Variants in SMG6 observed in about 807,000 individuals in gnomAD.
SMG6 encodes the protein SMG6 nonsense mediated mRNA decay factor, also known as telomerase-binding protein EST1A.
SMG6 carries 66 observed loss-of-function variants against 142.2 expected under a neutral mutation model. The ratio of observed to expected loss-of-function variants is 0.46; its 90% CI spans 0.38 to 0.57. The LOEUF is 0.57. Ranked by LOEUF, SMG6 falls within the 20% of genes least tolerant of loss-of-function variation. SMG6 has a pLI of 0.00. For synonymous variants in SMG6, 779 were observed against 702.4 expected, an observed-to-expected ratio of 1.11 and a Z score of -1.72; for missense variants, 1,793 against 1,832.0, an observed-to-expected ratio of 0.98 and a Z score of 0.39.
At chr17:2,241,637 C>G (rs2073803152) in intron 9 of SMG6, among the ~76,000 whole-genome samples, 1 of 152,172 alleles carries the variant, frequency 6.6e-6, no homozygotes, top group African/African-American at 2.4e-5. Flanking sequence ...GCGATTCTCC[C>G]ACCTTGGCCT....
chr17:2,253,159 T>A (rs7216638), intron 8 of SMG6, among the ~76,000 whole-genome samples: 49,695 of 109,860 alleles, frequency 0.45, 8,874 homozygotes, highest in African/African-American at 0.53. Flanking sequence ...TTATTTATTT[T>A]GAGATGGAGT....
chr17:2,256,033 G>C (rs902373130), intron 8 of SMG6: 1 of 178,998 alleles, frequency 5.6e-6, no homozygotes, highest in Non-Finnish European at 1.1e-5. Context: ...AATACCCAGA[G>C]ACACAAACAC....
intron 8 of SMG6, among the ~76,000 whole-genome samples, chr17:2,250,648 T>G (rs2074026399): frequency 6.6e-6 from 1 of 152,026 alleles, no homozygotes; most frequent in South Asian, 2.1e-4. Flanking sequence ...CCTCCTAAAG[T>G]AGTGGGATTA....
chr17:2,232,307 C>T (rs1389784445), intron 10 of SMG6, among the ~76,000 whole-genome samples: 1 of 152,194 alleles, frequency 6.6e-6, no homozygotes, highest in Non-Finnish European at 1.5e-5. Flanking sequence ...ACCACGTCAA[C>T]CAATGAGATG....
At chr17:2,134,865 T>A (rs999239210) in intron 13 of SMG6, among the ~76,000 whole-genome samples, 15 of 135,578 alleles carry the variant, frequency 1.1e-4, no homozygotes, top group African/African-American at 2.6e-4. Context: ...AGACCTTTTT[T>A]AAAAAGTTTT....
chr17:2,294,805 G>A (rs188817978), intron 4 of SMG6, among the ~76,000 whole-genome samples: 60 of 152,006 alleles, frequency 3.9e-4, no homozygotes, highest in East Asian at 1.9e-3. Context: ...ACAGGAGCAC[G>A]GTTTTTTTTC....
chr17:2,249,237 T>C (rs1339296458), intron 8 of SMG6, among the ~76,000 whole-genome samples: 1 of 151,914 alleles, frequency 6.6e-6, no homozygotes, highest in African/African-American at 2.4e-5. Flanking sequence ...TAGTCCGAGC[T>C]TCCTTCTTCC....
Position 2,223,012 on chromosome 17 carries a change from C to T in SMG6, c.2869+13480G>A, listed in dbSNP as rs558159870. ...GGAACAGACAGTGATAACAGGATGA[C>T]GTCACAGGTGTGCCTCAAAGAAGTC... On this transcript the variant is annotated intron_variant, in intron 10 of 18. Transcript: ENST00000263073. 8.5e-5 allele frequency among the ~76,000 whole-genome samples: 13 copies of T among 152,330 alleles called. No homozygotes were observed. The East Asian group carries it at 2.1e-3, about 25-fold the overall frequency.
intron 13 of SMG6, among the ~76,000 whole-genome samples, chr17:2,124,414 T>C (rs2069804431): frequency 6.6e-6 from 1 of 152,210 alleles, no homozygotes; most frequent in African/African-American, 2.4e-5. Flanking sequence ...GAGAGACTGA[T>C]GTAGAGTAGT....
At chr17:2,298,713 G>A (rs1296149264) in intron 2 of SMG6, among the ~76,000 whole-genome samples, 193 bp downstream of exon 2, 16 of 144,378 alleles carry the variant, frequency 1.1e-4, no homozygotes, top group African/African-American at 4.1e-4. Flanking sequence ...GCGAGACTCC[G>A]TCTTAAAAAA....
intron 13 of SMG6, among the ~76,000 whole-genome samples, chr17:2,093,770 C>T (rs773165931): frequency 2.6e-5 from 4 of 151,666 alleles, no homozygotes; most frequent in South Asian, 2.1e-4. Context: ...TGAGCTCAAG[C>T]GGGAAGCTGG....
At chr17:2,293,815 C>T (rs1333663230) in intron 4 of SMG6, among the ~76,000 whole-genome samples, 1 of 152,210 alleles carries the variant, frequency 6.6e-6, no homozygotes, top group Non-Finnish European at 1.5e-5. Context: ...AAACTGTTAA[C>T]ATCACTGAAT....
intron 10 of SMG6, among the ~76,000 whole-genome samples, chr17:2,230,430 C>G (rs2073457116): frequency 6.6e-6 from 1 of 151,436 alleles, no homozygotes; most frequent in Non-Finnish European, 1.5e-5. Context: ...CACTCCACAC[C>G]AAAGCAGCCA....
chr17:2,189,406 G>A (rs1285804523), intron 10 of SMG6, among the ~76,000 whole-genome samples: 1 of 152,130 alleles, frequency 6.6e-6, no homozygotes, highest in African/African-American at 2.4e-5. Context: ...GAGAGGAGCT[G>A]GTGACACACA....
intron 13 of SMG6, among the ~76,000 whole-genome samples, chr17:2,154,779 A>T (rs571005449): frequency 6.6e-6 from 1 of 152,342 alleles, no homozygotes; most frequent in East Asian, 1.9e-4. Flanking sequence ...TGGTGGCTGT[A>T]ATCACAGCAC....
chr17:2,261,043 A>C (rs955571673), intron 8 of SMG6, among the ~76,000 whole-genome samples: 3 of 151,832 alleles, frequency 2.0e-5, no homozygotes, highest in African/African-American at 7.3e-5. Context: ...GCGGTGGCTC[A>C]CGCCTGTAAT....
chr17:2,253,936 G>A (rs2151319054), intron 8 of SMG6, among the ~76,000 whole-genome samples: 1 of 152,318 alleles, frequency 6.6e-6, no homozygotes, highest in African/African-American at 2.4e-5. Context: ...TTAGGCCAGA[G>A]GGCTCCTGGA....
chr17:2,289,845 G>A (rs760194544), intron 6 of SMG6, among the ~76,000 whole-genome samples: 4 of 151,536 alleles, frequency 2.6e-5, no homozygotes, highest in South Asian at 2.1e-4. Flanking sequence ...CCCAGGAGGC[G>A]GAGGTTACAG....
chr17:2,293,469 T>G (rs1038464617), intron 4 of SMG6, among the ~76,000 whole-genome samples: 2 of 100,294 alleles, frequency 2.0e-5, no homozygotes, highest in African/African-American at 2.8e-5. Context: ...ATTCTTTTTT[T>G]TCCCCCCTAA....
Sources: allele counts gnomAD v4.1 joint callset (sites outside exome capture counted in the v4.1 genomes callset), GRCh38; gene constraint gnomAD v4.1.1; transcripts MANE v1.5; gene names NCBI Gene and HGNC (gene_info 2026-07-23, HGNC 2026-07-21).